The following NR5A2 variants were observed in gnomAD, a reference collection of about 807,000 sequenced individuals.
NR5A2 encodes the protein CYP7A promoter-binding factor.
A neutral mutation model predicts 62.7 loss-of-function variants in NR5A2; 26 were observed. That is an observed-to-expected ratio of 0.41 (90% CI 0.30 to 0.58). NR5A2 has a LOEUF of 0.58. NR5A2 is among the 20% of genes least tolerant of loss of function. NR5A2 has a pLI of 0.22. For missense variants in NR5A2, 541 were observed against 669.1 expected (o/e 0.81, Z 2.11); for synonymous variants, 246 against 241.7 (o/e 1.02, Z -0.16).
intron 3 of NR5A2, among the ~76,000 whole-genome samples, chr1:200,044,935 C>T (rs1662286938): frequency 6.6e-6 from 1 of 151,256 alleles, no homozygotes; most frequent in South Asian, 2.1e-4. Flanking sequence ...TCCCATTTTA[C>T]TCTTTAAATC....
chr1:200,170,659 T>G (rs1416042835), intron 7 of NR5A2, among the ~76,000 whole-genome samples: 1 of 152,226 alleles, frequency 6.6e-6, no homozygotes, highest in Non-Finnish European at 1.5e-5. Flanking sequence ...CAGGGACTGA[T>G]TCCAGTCCAA....
intron 5 of NR5A2, among the ~76,000 whole-genome samples, chr1:200,067,420 G>A (rs925128292): frequency 6.6e-6 from 1 of 152,232 alleles, no homozygotes; most frequent in African/African-American, 2.4e-5. Flanking sequence ...GCCTGGCAGG[G>A]TGGCGGGTGC....
chr1:200,041,171 T>C (rs1022949198), intron 2 of NR5A2, among the ~76,000 whole-genome samples: 6 of 152,122 alleles, frequency 3.9e-5, no homozygotes, highest in Non-Finnish European at 5.9e-5. Flanking sequence ...GATTCTTGGC[T>C]CCAAAAGGAA....
At position 200,147,867 on chromosome 1, in the gene NR5A2, G is replaced by A. The variant is rs1667785647; in HGVS notation, c.1379-26096G>A. The stretch of plus-strand genomic sequence containing the variant: ...GCAGTATGGCCACCTGCTTGTAGGC[G>A]CAGTCCCCGGAGCGGTGGCCGGCGC... On this transcript the variant is annotated intron_variant, in intron 7 of 7. Transcript: ENST00000367362. The surrounding 1 kb of genome is among the most constrained non-coding windows in gnomAD (Gnocchi z 4.9). The A allele has an allele frequency of 7.0e-6, 3 of 425,554 alleles. No homozygotes were observed. The highest frequency in any genetic ancestry group is 4.1e-5 in the African/African-American group (2 of 48,614). 26.4% of individuals were successfully genotyped at this position (425,554 alleles called of 1,614,324 possible). A position where few individuals can be genotyped will look rare whatever the true frequency, so the allele number is the denominator to read the frequency against.
At chr1:200,124,791 G>A (rs1666631819) in intron 7 of NR5A2, among the ~76,000 whole-genome samples, 1 of 152,102 alleles carries the variant, frequency 6.6e-6, no homozygotes, top group Admixed American at 6.6e-5. Flanking sequence ...AATTAGCCAG[G>A]TGTGGTGGCA....
At chr1:200,166,697 A>G (rs2102388937) in intron 7 of NR5A2, among the ~76,000 whole-genome samples, 1 of 152,310 alleles carries the variant, frequency 6.6e-6, no homozygotes, top group East Asian at 1.9e-4. Context: ...GTCTCATGGT[A>G]GAGCATACAA....
chr1:200,041,221 T>TA lies in NR5A2; in HGVS notation c.202+1427dup, dbSNP rs34180429. On this transcript the variant is annotated intron_variant, in intron 2 of 7. Transcript: ENST00000367362. The stretch of plus-strand genomic sequence containing the variant: ...GTTCTGGCGCGAGAAGCCAAAGACT[T>TA]ATTTTGAGAGCGGAGAGAGAAATGT... Among the ~76,000 whole-genome samples, 940 of 150,484 alleles carry TA rather than the reference T, an allele frequency of 6.2e-3. 8 individuals carry two copies. The highest frequency in any genetic ancestry group is 0.01 in the Middle Eastern group (3 of 294).
intron 5 of NR5A2, among the ~76,000 whole-genome samples, chr1:200,060,351 G>A (rs1350549321): frequency 1.3e-5 from 2 of 152,160 alleles, no homozygotes; most frequent in Admixed American, 1.3e-4. Flanking sequence ...AAGAGAAACG[G>A]TTAAATAGAC....
At chr1:200,074,736 CAAAAA>C (rs199556915) in intron 5 of NR5A2, among the ~76,000 whole-genome samples, 3,369 of 67,510 alleles carry the variant, frequency 0.05, 114 homozygotes, top group African/African-American at 0.087. Flanking sequence ...GAGTCCATCT[CAAAAA>C]AAAAAAAAAA....
At chr1:200,098,600 T>C (rs550610156) in intron 5 of NR5A2, among the ~76,000 whole-genome samples, 1 of 151,586 alleles carries the variant, frequency 6.6e-6, no homozygotes, top group Non-Finnish European at 1.5e-5. Context: ...AGTAGCCTTA[T>C]ATAAACCACA....
chr1:200,118,460 C>T (rs1666342421), intron 6 of NR5A2, among the ~76,000 whole-genome samples: 2 of 152,194 alleles, frequency 1.3e-5, no homozygotes, highest in African/African-American at 4.8e-5. Context: ...ACCTTATTAT[C>T]ATCACCTAAC....
intron 7 of NR5A2, among the ~76,000 whole-genome samples, chr1:200,166,296 G>A (rs1274429308): frequency 6.6e-6 from 1 of 152,134 alleles, no homozygotes; most frequent in African/African-American, 2.4e-5. Flanking sequence ...ATTGGAAGGG[G>A]TTGGGGTGGG....
At chr1:200,028,741 G>C (rs1264536739) in intron 1 of NR5A2, among the ~76,000 whole-genome samples, 1 of 152,088 alleles carries the variant, frequency 6.6e-6, no homozygotes, top group Non-Finnish European at 1.5e-5. Context: ...ATTTGCCTAG[G>C]CTTTCAGACT....
At chr1:200,126,224 T>C (rs1417355721) in intron 7 of NR5A2, among the ~76,000 whole-genome samples, 1 of 152,192 alleles carries the variant, frequency 6.6e-6, no homozygotes, top group Non-Finnish European at 1.5e-5. Flanking sequence ...AACATTTTTC[T>C]CTTTGTTGTG....
intron 7 of NR5A2, among the ~76,000 whole-genome samples, chr1:200,138,613 C>G (rs1667325587): frequency 6.6e-6 from 1 of 151,956 alleles, no homozygotes; most frequent in South Asian, 2.1e-4. Flanking sequence ...AGGGGGAGAT[C>G]TAGTTTTTAT....
chr1:200,114,233 TAC>T (rs370388020), intron 6 of NR5A2, among the ~76,000 whole-genome samples: 317 of 106,190 alleles, frequency 3.0e-3, no homozygotes, highest in Non-Finnish European at 5.5e-3. Context: ...TATATATATA[TAC>T]ACACACACAC....
chr1:200,130,926 G>A (rs761904838), intron 7 of NR5A2, among the ~76,000 whole-genome samples: 10 of 152,160 alleles, frequency 6.6e-5, no homozygotes, highest in Non-Finnish European at 2.9e-5. Context: ...CGTACAATTA[G>A]CATTCATTCT....
intron 1 of NR5A2, chr1:200,029,194 T>C (rs1379623250): frequency 1.1e-5 from 4 of 355,948 alleles, no homozygotes; most frequent in South Asian, 8.2e-5. Flanking sequence ...TAGAGCGCGC[T>C]CGGGCCGGAG....
rs1558103859 is a variant in NR5A2 at position 200,048,424 on chromosome 1, C to T, written c.716C>T (p.Pro239Leu). The stretch of plus-strand genomic sequence containing the variant: ...CCTCCTACAGACTATGACAGAAGTC[C>T]CTTTGTAACATCCCCCATTAGCATG... ...ALPPTDYDRS[P>L]FVTSPISMTM... The change falls in exon 5 of 8, where the codon CCC becomes CTC. Residue 239 changes from proline to leucine, a missense_variant. Pro to Leu is a moderately conservative substitution (Grantham distance 98). Transcript: ENST00000367362. The surrounding 1 kb of genome is among the most constrained non-coding windows in gnomAD (Gnocchi z 4.8). 6.2e-7 allele frequency: 1 copy of T among 1,614,188 alleles called. No individual in the cohort carries two copies. Among genetic ancestry groups the T allele is most frequent in the African/African-American group, 1.3e-5 (1 of 75,036 alleles).
Sources: gnomAD v4.1 joint callset for allele counts (sites outside exome capture counted in the v4.1 genomes callset) on GRCh38, gnomAD v4.1.1 for gene constraint, Gnocchi (gnomAD v3.1) non-coding constraint, MANE v1.5 for transcripts, NCBI Gene and HGNC (gene_info 2026-07-23, HGNC 2026-07-21) for gene names.